Variants in ADARB1 observed in about 807,000 individuals in gnomAD.
ADARB1 encodes adenosine deaminase RNA specific B1.
ADARB1 carries 10 observed loss-of-function variants against 52.4 expected under a neutral mutation model. The ratio of observed to expected loss-of-function variants is 0.19; its 90% CI spans 0.12 to 0.32. The LOEUF (loss-of-function observed/expected upper bound fraction) is 0.32, where lower values mean the gene tolerates loss of function less well. ADARB1 is among the 10% of genes least tolerant of loss of function. The pLI is 1.00. For missense variants in ADARB1, 643 were observed against 922.3 expected, an observed-to-expected ratio of 0.70 and a Z score of 3.92; for synonymous variants, 349 against 371.1, an observed-to-expected ratio of 0.94 and a Z score of 0.68.
chr21:45,164,896 G>A (rs1341519762), intron 2 of ADARB1, among the ~76,000 whole-genome samples: 1 of 152,120 alleles, frequency 6.6e-6, no homozygotes, highest in East Asian at 1.9e-4. Context: ...TGGGGTGAGA[G>A]GGGAGAGAGA....
At chr21:45,144,717 A>G in intron 2 of ADARB1, 1 of 439,118 alleles carries the variant, frequency 2.3e-6, no homozygotes, top group South Asian at 1.7e-5. Context: ...TTCATGTGAA[A>G]TGACTACAAA....
At chr21:45,113,893 A>G (rs1396110418) in intron 1 of ADARB1, among the ~76,000 whole-genome samples, 1 of 152,212 alleles carries the variant, frequency 6.6e-6, no homozygotes, top group African/African-American at 2.4e-5. Flanking sequence ...TACTTTTGCA[A>G]GCAGTCTGCT....
chr21:45,201,529 A>G (rs2092553676), intron 8 of ADARB1, among the ~76,000 whole-genome samples: 1 of 152,216 alleles, frequency 6.6e-6, no homozygotes, highest in Non-Finnish European at 1.5e-5. Flanking sequence ...GAATCATTTC[A>G]TGCTTTTTCT....
chr21:45,220,392 G>A lies in ADARB1; in HGVS notation c.1748-444G>A, dbSNP rs1199500767. Among the ~76,000 whole-genome samples, 1 of 152,204 alleles carries A rather than the reference G, an allele frequency of 6.6e-6. No individual in the cohort carries two copies. Among genetic ancestry groups the A allele is most frequent in the East Asian group, 1.9e-4 (1 of 5,202 alleles). ...AGCACATGCAGGCATGAGCGCCAGA[G>A]GTGGTGTGATACAGGAGCAACCCCC... On this transcript the variant is annotated intron_variant, in intron 9 of 10. Transcript: ENST00000348831. This position sits in a 1 kb window ranked among gnomAD's most constrained non-coding sequence, Gnocchi z 6.3.
At chr21:45,144,612 C>A (rs1266520996) in intron 2 of ADARB1, 3 of 447,622 alleles carry the variant, frequency 6.7e-6, no homozygotes, top group Non-Finnish European at 1.3e-5. Context: ...TTTTATGTTT[C>A]TCTTCAATAA....
chr21:45,189,877 CTCTG>C (rs1447245126), intron 8 of ADARB1, among the ~76,000 whole-genome samples: 2 of 151,946 alleles, frequency 1.3e-5, no homozygotes, highest in Non-Finnish European at 1.5e-5. Flanking sequence ...TTTTAAGATT[CTCTG>C]TCTTCACTTT....
intron 5 of ADARB1, among the ~76,000 whole-genome samples, chr21:45,180,750 T>C (rs977954303): frequency 4.6e-5 from 7 of 152,210 alleles, no homozygotes; most frequent in Admixed American, 4.6e-4. Flanking sequence ...GCTTACTAAT[T>C]CTTCCTTTAT....
chr21:45,205,827 G>A (rs1309297975), intron 9 of ADARB1, among the ~76,000 whole-genome samples: 8 of 152,170 alleles, frequency 5.3e-5, no homozygotes, highest in Non-Finnish European at 7.4e-5. Flanking sequence ...ATCCTAACCT[G>A]AAACACGTTT....
In ADARB1 at chr21:45,142,666, C is replaced by T. The variant is rs1485397225; in HGVS notation, c.-48+14093C>T. 6.6e-6 allele frequency among the ~76,000 whole-genome samples: 1 copy of T among 152,160 alleles called. No individual in the cohort carries two copies. The highest frequency in any genetic ancestry group is 1.5e-5 in the Non-Finnish European group (1 of 68,024). ...AGCCCAGCTGGCTGCCAGGCTGCTCCCCATGAGGTGGTGGGAGCCGTGTGG... is the reference window on the plus strand; with the variant it reads ...AGCCCAGCTGGCTGCCAGGCTGCTCTCCATGAGGTGGTGGGAGCCGTGTGG... On this transcript the variant is annotated intron_variant, in intron 2 of 10. Coordinates refer to ENST00000348831, the MANE Select transcript of ADARB1 (RefSeq NM_001112.4). This position sits in a 1 kb window ranked among gnomAD's most constrained non-coding sequence, Gnocchi z 4.0.
chr21:45,093,394 T>C (rs1392592867), intron 1 of ADARB1, among the ~76,000 whole-genome samples: 2 of 152,168 alleles, frequency 1.3e-5, no homozygotes, highest in African/African-American at 2.4e-5. Context: ...ACTGCTCCCA[T>C]TGGCAGGTTT....
chr21:45,169,737 T>C (rs1259307546), intron 2 of ADARB1, among the ~76,000 whole-genome samples: 1 of 152,254 alleles, frequency 6.6e-6, no homozygotes, highest in African/African-American at 2.4e-5. Context: ...GCTTATTCGT[T>C]GTTCCTCCAG....
intron 2 of ADARB1, among the ~76,000 whole-genome samples, chr21:45,166,416 T>C (rs919217874): frequency 6.6e-5 from 10 of 152,168 alleles, no homozygotes; most frequent in Non-Finnish European, 1.5e-4. Flanking sequence ...CGGCACCCAG[T>C]GTCTGGTCCT....
chr21:45,141,970 C>T (rs553793805), intron 2 of ADARB1, among the ~76,000 whole-genome samples: 1 of 152,162 alleles, frequency 6.6e-6, no homozygotes, highest in South Asian at 2.1e-4. Flanking sequence ...TCACCTTACC[C>T]ACCCTTTCAC....
At chr21:45,155,448 A>G (rs1057436070) in intron 2 of ADARB1, among the ~76,000 whole-genome samples, 2 of 152,068 alleles carry the variant, frequency 1.3e-5, no homozygotes, top group African/African-American at 4.8e-5. Context: ...AGAGCATGGT[A>G]GCACCTGGAG....
intron 1 of ADARB1, among the ~76,000 whole-genome samples, chr21:45,118,806 C>G (rs979168326): frequency 6.6e-6 from 1 of 152,176 alleles, no homozygotes; most frequent in African/African-American, 2.4e-5. Context: ...GGAATAAAAG[C>G]GTTCCCTATG....
chr21:45,183,416 T>G lies in ADARB1; in HGVS notation c.1302T>G (p.Phe434Leu), dbSNP rs2091994996. 3 of 1,610,932 alleles carry G rather than the reference T, an allele frequency of 1.9e-6. No homozygotes were observed. In the African/African-American group the frequency reaches 4.0e-5, roughly 22 times the overall value. Residue 434 changes from phenylalanine to leucine, a missense_variant, in exon 7 of 11, where the codon TTT (phenylalanine) becomes TTG (leucine). Around this residue, in one of 2 missense-constraint regions of ADARB1, gnomAD observed 263 missense variants for 475.8 expected, o/e 0.55. Transcript: ENST00000348831. Reference protein sequence around the residue: ...SIFQKSERGGFRLKENVQFHL... With the variant: ...SIFQKSERGGLRLKENVQFHL... ...TTCAGAAATCAGAGCGAGGGGGGTT[T>G]AGGCTGAAGGAGAATGTCCAGTTTC...
chr21:45,142,309 A>C lies in ADARB1; in HGVS notation c.-48+13736A>C, dbSNP rs2089773738. 6.6e-6 allele frequency among the ~76,000 whole-genome samples: 1 copy of C among 152,244 alleles called. No homozygotes were observed. Among genetic ancestry groups the C allele is most frequent in the Admixed American group, 6.5e-5 (1 of 15,284 alleles). ...ACTTTGATTTTTAACCCTAAGTTGC[A>C]TGGTAAAGTCACCTTTAAAGCCAAT... On this transcript the variant is annotated intron_variant, in intron 2 of 10. Transcript: ENST00000348831. This position sits in a 1 kb window ranked among gnomAD's most constrained non-coding sequence, Gnocchi z 4.0.
At position 45,116,064 on chromosome 21, in the gene ADARB1, G is replaced by A. The variant is rs148534121; in HGVS notation, c.-219-12338G>A. ...GACTAAGTCCTTTGTGCAAGGTTGG[G>A]TCATCCTGGGGTGAAAAGGTAAGTG... is the stretch of plus-strand genomic sequence containing the variant. On this transcript the variant is annotated intron_variant, in intron 1 of 10. Transcript: ENST00000348831. 1.2e-3 allele frequency among the ~76,000 whole-genome samples: 184 copies of A among 152,364 alleles called. 2 individuals carry two copies. The East Asian group carries it at 0.032, about 27-fold the overall frequency.
intron 1 of ADARB1, among the ~76,000 whole-genome samples, chr21:45,117,452 C>T (rs1339273491): frequency 2.0e-5 from 3 of 152,140 alleles, no homozygotes; most frequent in Non-Finnish European, 4.4e-5. Context: ...TTCTGAGATA[C>T]ACAGGGGTTT....
Sources: allele counts gnomAD v4.1 joint callset (sites outside exome capture counted in the v4.1 genomes callset), GRCh38; gene constraint gnomAD v4.1.1; regional missense constraint gnomAD v4.1.1; non-coding constraint Gnocchi (gnomAD v3.1); transcripts MANE v1.5; gene names NCBI Gene and HGNC (gene_info 2026-07-23, HGNC 2026-07-21).